The following APBB2 variants were observed in gnomAD, a reference collection of about 807,000 sequenced individuals.
APBB2 encodes the protein Fe65-like 1.
A neutral mutation model predicts 82.5 loss-of-function variants in APBB2; 38 were observed. The observed-to-expected ratio is 0.46, with a 90% CI of 0.36 to 0.60. APBB2 has a LOEUF of 0.60. Among genes scored for constraint, APBB2 ranks in the 20% least tolerant of loss-of-function variants. The probability of loss-of-function intolerance (pLI) is 0.00; values close to 1 mark genes in which losing one functional copy is unlikely to be tolerated. For synonymous variants in APBB2, 341 were observed against 368.2 expected, an observed-to-expected ratio of 0.93 and a Z score of 0.85; for missense variants, 772 against 972.3, an observed-to-expected ratio of 0.79 and a Z score of 2.74.
chr4:41,147,121 G>C (rs531098308), intron 1 of APBB2, among the ~76,000 whole-genome samples: 1 of 152,166 alleles, frequency 6.6e-6, no homozygotes, highest in Non-Finnish European at 1.5e-5. Flanking sequence ...GCAGGCAAAC[G>C]GAATCAGGGT....
chr4:41,031,535 C>T (rs1716817764), intron 5 of APBB2, among the ~76,000 whole-genome samples: 1 of 152,104 alleles, frequency 6.6e-6, no homozygotes, highest in Non-Finnish European at 1.5e-5. Flanking sequence ...GTATCTCTTA[C>T]GTTATAACCA....
chr4:41,067,413 A>G (rs907066926), intron 3 of APBB2, among the ~76,000 whole-genome samples: 4 of 148,372 alleles, frequency 2.7e-5, no homozygotes, highest in African/African-American at 9.8e-5. Flanking sequence ...CTCCGTCTCA[A>G]AAAAAAAAAA....
chr4:40,927,144 A>G (rs1413140462), intron 10 of APBB2, among the ~76,000 whole-genome samples: 2 of 143,032 alleles, frequency 1.4e-5, no homozygotes, highest in Non-Finnish European at 3.1e-5. Flanking sequence ...TTGAAAGATG[A>G]GGACGCTGAA....
At chr4:41,148,685 C>T (rs1162920086) in intron 1 of APBB2, among the ~76,000 whole-genome samples, 1 of 152,142 alleles carries the variant, frequency 6.6e-6, no homozygotes, top group Non-Finnish European at 1.5e-5. Context: ...GGTATTGTGA[C>T]GTTCCCAATA....
chr4:40,897,689 G>T (rs973070895), intron 10 of APBB2, among the ~76,000 whole-genome samples: 20 of 152,168 alleles, frequency 1.3e-4, no homozygotes, highest in African/African-American at 4.8e-4. Flanking sequence ...GGAAACAGGT[G>T]TAAGCGGGAC....
intron 10 of APBB2, among the ~76,000 whole-genome samples, chr4:40,912,307 G>A (rs1349965818): frequency 1.3e-5 from 2 of 152,176 alleles, no homozygotes; most frequent in Non-Finnish European, 2.9e-5. Context: ...GGCTGGGCAC[G>A]GTGGCTCACG....
chr4:41,167,008 T>TC (rs1442463795), intron 1 of APBB2, among the ~76,000 whole-genome samples: 4 of 152,220 alleles, frequency 2.6e-5, no homozygotes, highest in Non-Finnish European at 4.4e-5. Flanking sequence ...GCTACAAATT[T>TC]GGGGGTTTCC....
chr4:40,868,028 A>ATTTT (rs35501177), intron 12 of APBB2, among the ~76,000 whole-genome samples: 5 of 147,168 alleles, frequency 3.4e-5, no homozygotes, highest in African/African-American at 1.0e-4. Flanking sequence ...GTGCCTGGCT[A>ATTTT]TTTTTTTTTT....
chr4:41,075,277 T>C (rs779452719), intron 3 of APBB2, among the ~76,000 whole-genome samples: 5 of 152,248 alleles, frequency 3.3e-5, no homozygotes, highest in Admixed American at 6.5e-5. Flanking sequence ...TAATCTTTGA[T>C]ACACATTAAT....
At chr4:40,854,115 A>G (rs1760365418) in intron 12 of APBB2, among the ~76,000 whole-genome samples, 1 of 152,204 alleles carries the variant, frequency 6.6e-6, no homozygotes, top group African/African-American at 2.4e-5. Context: ...ATTAAACCCT[A>G]AAAGTAGACA....
At position 40,814,054 on chromosome 4, in the gene APBB2, G is replaced by C. The variant is rs1745003325; in HGVS notation, c.*2038C>G. ...CCCCCACCCCTCATGAATTCTGAGG[G>C]AATGGCAGGTAGAAAAGCCACCCAC... On this transcript the variant is annotated 3_prime_UTR_variant, in exon 18 of 18. Transcript: ENST00000508593. 6.6e-6 allele frequency: 1 copy of C among 152,164 alleles called. No homozygotes were observed. Among genetic ancestry groups the C allele is most frequent in the Non-Finnish European group, 1.5e-5 (1 of 68,032 alleles). 9.4% of individuals were successfully genotyped at this position (152,164 alleles called of 1,614,324 possible). A position where few individuals can be genotyped will look rare whatever the true frequency, so the allele number is the denominator to read the frequency against.
chr4:41,088,672 T>C (rs898579473), intron 3 of APBB2, among the ~76,000 whole-genome samples: 11 of 152,230 alleles, frequency 7.2e-5, no homozygotes, highest in African/African-American at 2.7e-4. Flanking sequence ...AGGGATTGGA[T>C]GGTCTAAACC....
At chr4:40,924,339 T>G (rs758235475) in intron 10 of APBB2, among the ~76,000 whole-genome samples, 4 of 152,282 alleles carry the variant, frequency 2.6e-5, no homozygotes, top group Middle Eastern at 3.4e-3. Context: ...GGGAATGACA[T>G]GTTTGGCAGA....
chr4:40,844,322 C>A (rs1036474611), intron 12 of APBB2, among the ~76,000 whole-genome samples: 2 of 152,322 alleles, frequency 1.3e-5, no homozygotes, highest in East Asian at 3.9e-4. Flanking sequence ...GATAAGGACA[C>A]CTGCTCATGC....
At chr4:40,935,326 C>T (rs780748939) in intron 7 of APBB2, 187 bp from the exon 8 acceptor site, 72 of 553,128 alleles carry the variant, frequency 1.3e-4, no homozygotes, top group African/African-American at 2.3e-4. Flanking sequence ...CACCTGAAGA[C>T]GAGGGCAGGA....
At chr4:41,080,861 C>A (rs1339237717) in intron 3 of APBB2, among the ~76,000 whole-genome samples, 1 of 152,088 alleles carries the variant, frequency 6.6e-6, no homozygotes. Context: ...TGCCACTACA[C>A]CAGGCTAATT....
intron 5 of APBB2, among the ~76,000 whole-genome samples, chr4:41,018,850 G>C (rs945281528): frequency 1.3e-5 from 2 of 152,184 alleles, no homozygotes; most frequent in African/African-American, 4.8e-5. Context: ...AGCAGGACCA[G>C]TTGGGAGGTT....
intron 4 of APBB2, among the ~76,000 whole-genome samples, chr4:41,034,532 CCAGG>C (rs1718378797): frequency 6.6e-6 from 1 of 152,198 alleles, no homozygotes; most frequent in African/African-American, 2.4e-5. Context: ...ACCATGTTGA[CCAGG>C]TTGGTCTTGA....
Position 41,014,416 on chromosome 4 carries a change from C to G in APBB2, c.20-18G>C. On this transcript the variant is annotated intron_variant, in intron 5 of 17. Transcript: ENST00000508593. Reference sequence around the variant, plus strand: ...TGAGTCAGCTGGGGAAAAAAAAAGTCATTAGACACCTGCCATGATTAAACT... The same window carrying G: ...TGAGTCAGCTGGGGAAAAAAAAAGTGATTAGACACCTGCCATGATTAAACT... 1 of 1,605,174 alleles carries G rather than the reference C, an allele frequency of 6.2e-7. No homozygotes were observed. The highest frequency in any genetic ancestry group is 8.5e-7 in the Non-Finnish European group (1 of 1,174,078).
Sources: allele counts gnomAD v4.1 joint callset (sites outside exome capture counted in the v4.1 genomes callset), GRCh38; gene constraint gnomAD v4.1.1; transcripts MANE v1.5; gene names NCBI Gene and HGNC (gene_info 2026-07-23, HGNC 2026-07-21).